Variants in KCNQ5 observed in about 807,000 individuals in gnomAD.
KCNQ5 encodes the protein potassium voltage-gated channel subfamily KQT member 5.
Under a neutral mutation model 98.2 loss-of-function variants are expected in KCNQ5, and 30 were observed. The observed-to-expected ratio is 0.31, with a 90% CI of 0.23 to 0.41. KCNQ5 has a LOEUF of 0.41. Among genes scored for constraint, KCNQ5 ranks in the 10% least tolerant of loss-of-function variants. The pLI is 1.00. For missense variants in KCNQ5, 835 were observed against 1,182.5 expected (o/e 0.71, Z 4.31); for synonymous variants, 458 against 449.4 (o/e 1.02, Z -0.24).
intron 1 of KCNQ5, among the ~76,000 whole-genome samples, chr6:72,859,488 C>T (rs901667985): frequency 6.6e-6 from 1 of 151,982 alleles, no homozygotes; most frequent in South Asian, 2.1e-4. Flanking sequence ...TTTATCTTTG[C>T]TTCTCCTAAA....
chr6:72,892,838 T>G (rs1335075495), intron 1 of KCNQ5, among the ~76,000 whole-genome samples: 2 of 151,892 alleles, frequency 1.3e-5, no homozygotes, highest in African/African-American at 2.4e-5. Flanking sequence ...CAGAGTTGGG[T>G]TTTTTTTCCT....
intron 1 of KCNQ5, among the ~76,000 whole-genome samples, chr6:72,970,729 CA>C (rs1028736724): frequency 1.3e-4 from 20 of 152,064 alleles, no homozygotes; most frequent in Non-Finnish European, 2.6e-4. Flanking sequence ...ACAAACCTGA[CA>C]AAAAACAAGA....
chr6:73,041,352 G>A (rs990906422), intron 2 of KCNQ5, among the ~76,000 whole-genome samples: 2 of 152,130 alleles, frequency 1.3e-5, no homozygotes, highest in Non-Finnish European at 2.9e-5. Flanking sequence ...GAGGATTCAG[G>A]GTCTCATTTC....
At chr6:72,737,189 G>A (rs1361913334) in intron 1 of KCNQ5, among the ~76,000 whole-genome samples, 1 of 152,106 alleles carries the variant, frequency 6.6e-6, no homozygotes, top group Non-Finnish European at 1.5e-5. Flanking sequence ...TGAACTCCCG[G>A]CCTCAAGTGA....
At chr6:72,625,411 A>C (rs1035299212) in intron 1 of KCNQ5, among the ~76,000 whole-genome samples, 1 of 152,146 alleles carries the variant, frequency 6.6e-6, no homozygotes, top group Non-Finnish European at 1.5e-5. Flanking sequence ...CCTATCTTCA[A>C]CTTTTCTTCA....
chr6:72,762,647 T>C (rs1687898607), intron 1 of KCNQ5, among the ~76,000 whole-genome samples: 1 of 152,074 alleles, frequency 6.6e-6, no homozygotes. Context: ...CTGATTTAGC[T>C]TGGGCAGTGT....
rs191828728 is a variant in KCNQ5, at chr6:73,167,553, C to T, written c.1469-2193C>T. Among the ~76,000 whole-genome samples, 559 of 152,296 alleles carry T rather than the reference C, an allele frequency of 3.7e-3. 2 individuals carry two copies. Among genetic ancestry groups the T allele is most frequent in the Non-Finnish European group, 6.3e-3 (426 of 68,028 alleles). ...TGCATCTGAAAATTGGTCATAATAC[C>T]ACTAACAACTTGTAAAGTTGCTCTG... On this transcript the variant is annotated intron_variant, in intron 10 of 13. Coordinates refer to ENST00000370398, the MANE Select transcript of KCNQ5 (RefSeq NM_019842.4).
chr6:72,824,783 CTCTG>C (rs1442644407), intron 1 of KCNQ5, among the ~76,000 whole-genome samples: 1 of 148,168 alleles, frequency 6.7e-6, no homozygotes, highest in Non-Finnish European at 1.5e-5. Context: ...CTTTCTCTGT[CTCTG>C]TGTGTGTGTG....
At chr6:72,891,588 T>G (rs1450904490) in intron 1 of KCNQ5, among the ~76,000 whole-genome samples, 1 of 152,074 alleles carries the variant, frequency 6.6e-6, no homozygotes, top group Non-Finnish European at 1.5e-5. Context: ...CCCCCCAAAA[T>G]GGTTACATAA....
At chr6:72,637,122 G>A (rs2098924605) in intron 1 of KCNQ5, among the ~76,000 whole-genome samples, 1 of 152,300 alleles carries the variant, frequency 6.6e-6, no homozygotes, top group Middle Eastern at 3.4e-3. Context: ...AACATTCTGA[G>A]TATGTTTAAT....
chr6:73,124,801 C>A (rs1775881375), intron 9 of KCNQ5, among the ~76,000 whole-genome samples: 1 of 151,474 alleles, frequency 6.6e-6, no homozygotes, highest in Admixed American at 6.6e-5. Flanking sequence ...GTTGTTTTCC[C>A]AGACAGAAGT....
chr6:73,166,065 T>C (rs557247712), intron 10 of KCNQ5, among the ~76,000 whole-genome samples: 2 of 152,310 alleles, frequency 1.3e-5, no homozygotes, highest in African/African-American at 4.8e-5. Flanking sequence ...TCATTTATTC[T>C]CCAGGTGTCG....
At chr6:73,168,478 G>T (rs939421872) in intron 10 of KCNQ5, among the ~76,000 whole-genome samples, 3 of 152,132 alleles carry the variant, frequency 2.0e-5, no homozygotes, top group African/African-American at 7.2e-5. Flanking sequence ...CAAGGCAGAC[G>T]GGTCACTTGA....
At chr6:72,708,421 CTTCTT>C (rs963242811) in intron 1 of KCNQ5, among the ~76,000 whole-genome samples, 4 of 152,256 alleles carry the variant, frequency 2.6e-5, no homozygotes, top group Non-Finnish European at 4.4e-5. Flanking sequence ...AAAAGGGAAA[CTTCTT>C]TTAGACGTTC....
intron 10 of KCNQ5, among the ~76,000 whole-genome samples, chr6:73,163,673 G>A (rs530801220): frequency 6.6e-6 from 1 of 152,132 alleles, no homozygotes; most frequent in Non-Finnish European, 1.5e-5. Flanking sequence ...GCTTGAACCC[G>A]GGGGGCGGAG....
At chr6:72,987,713 A>G (rs572535490) in intron 1 of KCNQ5, 30 of 558,450 alleles carry the variant, frequency 5.4e-5, no homozygotes, top group African/African-American at 5.0e-4. Flanking sequence ...TTTTATATTC[A>G]TAGGAACGCT....
chr6:73,120,083 C>CAA (rs66484208), intron 7 of KCNQ5, among the ~76,000 whole-genome samples: 7,844 of 137,948 alleles, frequency 0.057, 377 homozygotes, highest in Admixed American at 0.15. Context: ...ACTAAAAGTA[C>CAA]AAAAAAAAAA....
At chr6:72,786,977 C>A (rs1773781726) in intron 1 of KCNQ5, among the ~76,000 whole-genome samples, 1 of 143,134 alleles carries the variant, frequency 7.0e-6, no homozygotes, top group Non-Finnish European at 1.5e-5. Context: ...TGTACTCCAG[C>A]CTGGGCGACA....
At chr6:72,916,802 AT>A (rs935007874) in intron 1 of KCNQ5, among the ~76,000 whole-genome samples, 2 of 152,082 alleles carry the variant, frequency 1.3e-5, no homozygotes, top group African/African-American at 4.8e-5. Context: ...TTGCTGGGCC[AT>A]TTCTGCCTCT....
Sources: allele counts gnomAD v4.1 joint callset (sites outside exome capture counted in the v4.1 genomes callset), GRCh38; gene constraint gnomAD v4.1.1; transcripts MANE v1.5; gene names NCBI Gene and HGNC (gene_info 2026-07-23, HGNC 2026-07-21).